The following CDC14A variants were observed in gnomAD, a reference collection of about 807,000 sequenced individuals.
CDC14A encodes the protein cell division cycle 14A, also known as dual specificity protein phosphatase CDC14A.
In CDC14A, 53 loss-of-function variants were observed where a neutral mutation model predicts 74.4. That is an observed-to-expected ratio of 0.71 (90% CI 0.57 to 0.89). The LOEUF (loss-of-function observed/expected upper bound fraction) is 0.89. Among genes scored for constraint, CDC14A ranks in the 40% least tolerant of loss-of-function variants. CDC14A has a pLI of 0.00. For missense variants in CDC14A, 646 were observed against 713.7 expected (o/e 0.91, Z 1.08); for synonymous variants, 247 against 258.4 (o/e 0.96, Z 0.43).
At chr1:100,518,169 G>T in intron 15 of CDC14A, 82 bp from the exon 16 acceptor site, 1 of 1,030,728 alleles carries the variant, frequency 9.7e-7, no homozygotes, top group Non-Finnish European at 1.5e-6. Context: ...GCTGTCTTGT[G>T]TGGAAGGGAG....
chr1:100,413,040 A>G lies in CDC14A; in HGVS notation c.310-11182A>G, dbSNP rs547483972. ...CCACTGCGCTCCAGCCTGGGTGACA[A>G]GAGCGAAACTGTCAAAAAGAAAAGA... On this transcript the variant is annotated intron_variant, in intron 4 of 15. Transcript: ENST00000336454. 1.6e-3 allele frequency among the ~76,000 whole-genome samples: 244 copies of G among 151,594 alleles called. 2 individuals carry two copies. The highest frequency in any genetic ancestry group is 5.8e-3 in the African/African-American group (238 of 41,238).
Position 100,439,912 on chromosome 1 carries a change from G to A in CDC14A, c.390-20G>A, listed in dbSNP as rs1299513720. On this transcript the variant is annotated intron_variant, in intron 5 of 15. Transcript: ENST00000336454. ...GTTCTAAATGCAAGTTTTTAATGTT[G>A]AGTTTATTTATGTTTATAGGGATGC... is the stretch of plus-strand genomic sequence containing the variant. 6.3e-7 allele frequency: 1 copy of A among 1,576,298 alleles called. No individual in the cohort carries two copies. The highest frequency in any genetic ancestry group is 8.7e-7 in the Non-Finnish European group (1 of 1,146,992).
At position 100,467,981 on chromosome 1, in the gene CDC14A, G is replaced by C; in HGVS notation, c.864G>C (p.Leu288Phe). The change falls in exon 10 of 16, where the codon TTG (leucine) becomes TTC (phenylalanine). Residue 288 changes from leucine (L) to phenylalanine (F), a missense_variant. Transcript: ENST00000336454. ...CTGGTCTTGGAAGAACAGGGACATTGATAGCCTGTTATGTAATGAAACACT... is the reference window on the plus strand; with the variant it reads ...CTGGTCTTGGAAGAACAGGGACATTCATAGCCTGTTATGTAATGAAACACT... ...CKAGLGRTGT[L>F]IACYVMKHYR... 6.2e-7 allele frequency: 1 copy of C among 1,605,948 alleles called. No homozygotes were observed. Among genetic ancestry groups the C allele is most frequent in the Non-Finnish European group, 8.5e-7 (1 of 1,177,366 alleles).
At chr1:100,502,176 A>C (rs1216796140) in intron 15 of CDC14A, among the ~76,000 whole-genome samples, 5 of 152,238 alleles carry the variant, frequency 3.3e-5, no homozygotes, top group Admixed American at 3.3e-4. Flanking sequence ...CAGCATTTAT[A>C]AAGTCTACAG....
Position 100,484,395 on chromosome 1 carries a change from G to A in CDC14A, c.1081G>A (p.Asp361Asn), listed in dbSNP as rs761856090. ...SINKILSGLD[D>N]MSIGGNLSKT... ...TAATAAAATTCTTTCTGGCCTAGATGATATGTCTATTGGTGGAAATCTTTC... is the reference window on the plus strand; with the variant it reads ...TAATAAAATTCTTTCTGGCCTAGATAATATGTCTATTGGTGGAAATCTTTC... The change falls in exon 11 of 16, where the codon GAT becomes AAT. Residue 361 changes from aspartate (D) to asparagine (N), a missense_variant. Physicochemically the swap from Asp to Asn is conservative, Grantham distance 23. Transcript: ENST00000336454. 23 of 1,609,248 alleles carry A rather than the reference G, an allele frequency of 1.4e-5. No individual in the cohort carries two copies. The Admixed American group carries it at 3.7e-4, about 26-fold the overall frequency.
chr1:100,348,836 C>G (rs1204981836), upstream of CDC14A, among the ~76,000 whole-genome samples: 1 of 152,192 alleles, frequency 6.6e-6, no homozygotes, highest in Non-Finnish European at 1.5e-5. Flanking sequence ...TGCAGGTGCA[C>G]AAGCACGGGT....
intron 2 of CDC14A, among the ~76,000 whole-genome samples, chr1:100,359,915 T>C (rs1017568328): frequency 6.6e-6 from 1 of 151,692 alleles, no homozygotes; most frequent in African/African-American, 2.4e-5. Flanking sequence ...AAAGTAATAT[T>C]GTTCAGGGCT....
chr1:100,417,156 C>T (rs1661642135), intron 4 of CDC14A, among the ~76,000 whole-genome samples: 1 of 152,178 alleles, frequency 6.6e-6, no homozygotes, highest in Non-Finnish European at 1.5e-5. Flanking sequence ...GGGGCCTGAT[C>T]TTATTGGGTT....
chr1:100,491,544 CTCTCTATATATA>C (rs1165028365), intron 11 of CDC14A, among the ~76,000 whole-genome samples: 2 of 41,330 alleles, frequency 4.8e-5, no homozygotes, highest in African/African-American at 7.4e-5. Context: ...CTCTCTCTCT[CTCTCTATATATA>C]TATATATATA....
At chr1:100,445,490 T>C (rs979710759) in intron 7 of CDC14A, among the ~76,000 whole-genome samples, 7 of 152,170 alleles carry the variant, frequency 4.6e-5, no homozygotes, top group Non-Finnish European at 1.0e-4. Flanking sequence ...TTATTAAATA[T>C]ACAGCCAAAC....
chr1:100,374,068 T>G (rs559865950), intron 2 of CDC14A, among the ~76,000 whole-genome samples: 53 of 152,232 alleles, frequency 3.5e-4, no homozygotes, highest in Non-Finnish European at 1.5e-5. Context: ...GGTTTTTTGT[T>G]CTTGCGATAG....
intron 4 of CDC14A, among the ~76,000 whole-genome samples, chr1:100,394,896 A>T (rs1044600054): frequency 6.6e-6 from 1 of 152,220 alleles, no homozygotes; most frequent in Non-Finnish European, 1.5e-5. Context: ...AATATCCATT[A>T]TACATATATC....
chr1:100,373,363 C>T lies in CDC14A; in HGVS notation c.141-4183C>T, dbSNP rs140923267. 8.3e-4 allele frequency among the ~76,000 whole-genome samples: 127 copies of T among 152,134 alleles called. 2 individuals carry two copies. The East Asian group carries it at 0.022, about 27-fold the overall frequency. ...CTTATTTGGGTACAGTTTGTGGAGA[C>T]CCAAAACAATTACAGTAGTAATATC... On this transcript the variant is annotated intron_variant, in intron 2 of 15. Coordinates refer to ENST00000336454, the MANE Select transcript of CDC14A (RefSeq NM_003672.4).
chr1:100,437,724 A>T (rs1664501766), intron 5 of CDC14A, among the ~76,000 whole-genome samples: 1 of 152,106 alleles, frequency 6.6e-6, no homozygotes, highest in Admixed American at 6.5e-5. Flanking sequence ...GGTATCATGG[A>T]AGCCTCACCA....
At chr1:100,450,766 C>CT (rs1415548785) in intron 7 of CDC14A, among the ~76,000 whole-genome samples, 2 of 152,004 alleles carry the variant, frequency 1.3e-5, no homozygotes, top group Admixed American at 6.6e-5. Context: ...TTCCCCATGG[C>CT]TTTTTTTTCT....
chr1:100,466,828 C>G (rs1167170822), intron 9 of CDC14A, among the ~76,000 whole-genome samples: 2 of 138,024 alleles, frequency 1.4e-5, no homozygotes. Flanking sequence ...CGAGATCGCA[C>G]TATTGCATTC....
intron 8 of CDC14A, among the ~76,000 whole-genome samples, chr1:100,461,558 T>C (rs1369399355): frequency 6.6e-6 from 1 of 152,190 alleles, no homozygotes; most frequent in Non-Finnish European, 1.5e-5. Context: ...TGGCCATCAG[T>C]GTGCTGGGAA....
chr1:100,488,923 G>A (rs542628281), intron 11 of CDC14A, among the ~76,000 whole-genome samples: 2 of 152,106 alleles, frequency 1.3e-5, no homozygotes, highest in Non-Finnish European at 2.9e-5. Context: ...ATTAAGCAGG[G>A]GAGTGACAGC....
intron 4 of CDC14A, chr1:100,393,554 T>C: frequency 1.3e-6 from 1 of 746,030 alleles, no homozygotes; most frequent in Non-Finnish European, 2.5e-6. Flanking sequence ...CTGTCAGGTA[T>C]CTCAGGTAGT....
Sources: allele counts gnomAD v4.1 joint callset (sites outside exome capture counted in the v4.1 genomes callset), GRCh38; gene constraint gnomAD v4.1.1; transcripts MANE v1.5; gene names NCBI Gene and HGNC (gene_info 2026-07-23, HGNC 2026-07-21).